The following ALCAM variants were observed in gnomAD, a reference collection of about 807,000 sequenced individuals.
ALCAM encodes activated leukocyte cell adhesion molecule, also known as CD166 antigen.
ALCAM carries 30 observed loss-of-function variants against 70.9 expected under a neutral mutation model. The ratio of observed to expected loss-of-function variants is 0.42; its 90% CI spans 0.32 to 0.57. The LOEUF (loss-of-function observed/expected upper bound fraction) is 0.57, where lower values mean the gene tolerates loss of function less well. Among genes scored for constraint, ALCAM ranks in the 20% least tolerant of loss-of-function variants. The pLI, the probability that ALCAM is intolerant of heterozygous loss-of-function variation, is 0.11. For synonymous variants in ALCAM, 249 were observed against 242.5 expected, an observed-to-expected ratio of 1.03 and a Z score of -0.25; for missense variants, 591 against 695.1, an observed-to-expected ratio of 0.85 and a Z score of 1.68.
rs570160515 is a variant in ALCAM at position 105,441,254 on chromosome 3, A to G, written c.73+73773A>G. On this transcript the variant is annotated intron_variant, in intron 1 of 15. Coordinates refer to ENST00000306107, the MANE Select transcript of ALCAM (RefSeq NM_001627.4). ...TTTTTTTTTAGTTCTGAATCAGGTAATTGATTCAGTTTTTCATGTTTGCAC... is the reference window on the plus strand; with the variant it reads ...TTTTTTTTTAGTTCTGAATCAGGTAGTTGATTCAGTTTTTCATGTTTGCAC... Among the ~76,000 whole-genome samples, 3 of 152,008 alleles carry G rather than the reference A, an allele frequency of 2.0e-5. No individual in the cohort carries two copies. The South Asian group carries it at 6.2e-4, about 32-fold the overall frequency.
intron 1 of ALCAM, among the ~76,000 whole-genome samples, chr3:105,473,203 A>C (rs1937986139): frequency 6.6e-6 from 1 of 151,604 alleles, no homozygotes; most frequent in Non-Finnish European, 1.5e-5. Context: ...GTAGAGCCAG[A>C]AGTGGAGTTC....
chr3:105,416,405 A>G (rs998538007), intron 1 of ALCAM, among the ~76,000 whole-genome samples: 1 of 151,964 alleles, frequency 6.6e-6, no homozygotes, highest in African/African-American at 2.4e-5. Context: ...TAATTTTTCT[A>G]CTTATAAAAT....
intron 1 of ALCAM, among the ~76,000 whole-genome samples, chr3:105,437,975 A>G (rs1269262524): frequency 6.6e-6 from 1 of 152,128 alleles, no homozygotes; most frequent in Non-Finnish European, 1.5e-5. Flanking sequence ...CTCAAAGTTT[A>G]TTTGTAAATA....
intron 1 of ALCAM, among the ~76,000 whole-genome samples, chr3:105,449,968 T>C (rs1308610507): frequency 6.6e-6 from 1 of 152,188 alleles, no homozygotes; most frequent in Non-Finnish European, 1.5e-5. Flanking sequence ...TCGTCTATTG[T>C]GTTCTATATT....
intron 1 of ALCAM, among the ~76,000 whole-genome samples, chr3:105,428,109 A>G (rs908065959): frequency 6.6e-6 from 1 of 151,990 alleles, no homozygotes; most frequent in African/African-American, 2.4e-5. Flanking sequence ...GGGAGTTGCT[A>G]TGTGTTGTTG....
chr3:105,438,933 A>G (rs543602328), intron 1 of ALCAM, among the ~76,000 whole-genome samples: 8 of 152,248 alleles, frequency 5.3e-5, no homozygotes, highest in Admixed American at 5.2e-4. Flanking sequence ...GAAGGAAGAA[A>G]GAAGGGAGGA....
chr3:105,381,952 A>G (rs1405635809), intron 1 of ALCAM, among the ~76,000 whole-genome samples: 1 of 148,444 alleles, frequency 6.7e-6, no homozygotes, highest in Non-Finnish European at 1.5e-5. Flanking sequence ...TATTATTATT[A>G]TTATACTTTA....
At chr3:105,374,413 G>A (rs1161744259) in intron 1 of ALCAM, among the ~76,000 whole-genome samples, 2 of 152,240 alleles carry the variant, frequency 1.3e-5, no homozygotes, top group South Asian at 2.1e-4. Flanking sequence ...TCTTAAAAAA[G>A]AACGTAATGC....
Position 105,534,676 on chromosome 3 carries a change from T to C in ALCAM, c.561T>C (p.Ile187=). ...TATTTTCTTCAGCGGTGGTCATAAT[T>C]TTTAAAAAGGAAATGGACCCAGTGA... ...LHPLEGAVVI[I]FKKEMDPVTQ... The change falls in exon 6 of 16, where the codon ATT becomes ATC. Residue 187 remains isoleucine (I), a synonymous_variant. Transcript: ENST00000306107. 6.2e-7 allele frequency: 1 copy of C among 1,613,524 alleles called. No homozygotes were observed.
At chr3:105,560,157 A>G (rs1007136418) in intron 14 of ALCAM, among the ~76,000 whole-genome samples, 2 of 152,168 alleles carry the variant, frequency 1.3e-5, no homozygotes, top group African/African-American at 4.8e-5. Flanking sequence ...TACAACTCCC[A>G]CCAGTCGCAT....
intron 1 of ALCAM, among the ~76,000 whole-genome samples, chr3:105,423,529 C>A (rs1340628467): frequency 1.4e-5 from 2 of 148,144 alleles, no homozygotes; most frequent in Non-Finnish European, 3.0e-5. Context: ...ATCATATAAT[C>A]AGGTCTTCCT....
At chr3:105,537,972 G>A (rs1002649656) in intron 6 of ALCAM, among the ~76,000 whole-genome samples, 1 of 152,150 alleles carries the variant, frequency 6.6e-6, no homozygotes, top group Admixed American at 6.6e-5. Flanking sequence ...TTATGTAGCA[G>A]AGTAAGAGAG....
At chr3:105,394,800 A>G (rs932900517) in intron 1 of ALCAM, among the ~76,000 whole-genome samples, 2 of 151,972 alleles carry the variant, frequency 1.3e-5, no homozygotes, top group African/African-American at 4.8e-5. Flanking sequence ...CAGCCATAAA[A>G]CAAGCATGGC....
At chr3:105,403,673 G>A (rs1016801794) in intron 1 of ALCAM, among the ~76,000 whole-genome samples, 1 of 151,770 alleles carries the variant, frequency 6.6e-6, no homozygotes, top group East Asian at 2.0e-4. Context: ...GACAAAAGAG[G>A]TTTCTTCAAC....
chr3:105,553,397 A>G (rs192448253), intron 14 of ALCAM, among the ~76,000 whole-genome samples: 29 of 151,974 alleles, frequency 1.9e-4, no homozygotes, highest in African/African-American at 7.0e-4. Flanking sequence ...GCATGCTGCT[A>G]GTTTCAAACA....
intron 1 of ALCAM, among the ~76,000 whole-genome samples, chr3:105,517,212 T>C (rs546528664): frequency 1.8e-4 from 27 of 152,232 alleles, no homozygotes; most frequent in African/African-American, 5.5e-4. Context: ...TCAGATGAAC[T>C]TGGGAGTCAG....
intron 1 of ALCAM, among the ~76,000 whole-genome samples, chr3:105,444,465 T>C (rs2164955): frequency 0.94 from 142,667 of 151,852 alleles, 67,421 homozygotes; most frequent in East Asian, 1. Context: ...ATACAATCAC[T>C]GCCCACTTGG....
At chr3:105,406,003 A>T (rs1189801489) in intron 1 of ALCAM, among the ~76,000 whole-genome samples, 1 of 152,174 alleles carries the variant, frequency 6.6e-6, no homozygotes, top group Non-Finnish European at 1.5e-5. Flanking sequence ...AATTATCACT[A>T]GACCAATTCA....
chr3:105,438,258 C>T (rs1280675640), intron 1 of ALCAM, among the ~76,000 whole-genome samples: 1 of 151,988 alleles, frequency 6.6e-6, no homozygotes, highest in Admixed American at 6.6e-5. Flanking sequence ...TATTATACAA[C>T]TTTATACTAT....
Sources: gnomAD v4.1 joint callset for allele counts (sites outside exome capture counted in the v4.1 genomes callset) on GRCh38, gnomAD v4.1.1 for gene constraint, MANE v1.5 for transcripts, NCBI Gene and HGNC (gene_info 2026-07-23, HGNC 2026-07-21) for gene names.